The following SGCZ variants were observed in gnomAD, a reference collection of about 807,000 sequenced individuals.
SGCZ encodes the protein sarcoglycan zeta.
Under a neutral mutation model 41.3 loss-of-function variants are expected in SGCZ, and 40 were observed. The observed-to-expected ratio is 0.97, with a 90% CI of 0.75 to 1.26. The LOEUF (loss-of-function observed/expected upper bound fraction) is 1.26, where lower values mean the gene tolerates loss of function less well. SGCZ is among the 50% of genes most tolerant of loss of function. The probability of loss-of-function intolerance (pLI) is 0.00; values close to 1 mark genes in which losing one functional copy is unlikely to be tolerated. For missense variants in SGCZ, 552 were observed against 369.8 expected (o/e 1.49, Z -4.04); for synonymous variants, 206 against 137.5 (o/e 1.50, Z -3.49).
intron 2 of SGCZ, among the ~76,000 whole-genome samples, chr8:14,340,122 C>A (rs1802651224): frequency 6.6e-6 from 1 of 152,072 alleles, no homozygotes; most frequent in South Asian, 2.1e-4. Context: ...TTTATCTTCA[C>A]TGCTGTTGTT....
In SGCZ at chr8:14,398,730, A is replaced by G. The variant is rs565998930; in HGVS notation, c.235-74526T>C. 3.3e-5 allele frequency among the ~76,000 whole-genome samples: 5 copies of G among 152,244 alleles called. No homozygotes were observed. The South Asian group carries it at 1.0e-3, about 32-fold the overall frequency. ...TTACAGAAATAACATTATTTATTGG[A>G]TATGCATTGTTAAACTACAGAGTCT... On this transcript the variant is annotated intron_variant, in intron 2 of 7. Transcript: ENST00000382080.
intron 2 of SGCZ, among the ~76,000 whole-genome samples, chr8:14,417,240 A>G (rs1018890252): frequency 3.3e-5 from 5 of 151,924 alleles, no homozygotes; most frequent in African/African-American, 1.2e-4. Context: ...TTCGTAGTGC[A>G]ATAGGCAAGT....
intron 1 of SGCZ, among the ~76,000 whole-genome samples, chr8:14,978,784 C>G (rs1343499969): frequency 7.2e-6 from 1 of 138,522 alleles, no homozygotes; most frequent in East Asian, 2.1e-4. Context: ...TTCCTGCCAT[C>G]AGAGTTTACA....
intron 1 of SGCZ, among the ~76,000 whole-genome samples, chr8:14,612,372 G>C (rs147594241): frequency 6.6e-6 from 1 of 152,140 alleles, no homozygotes; most frequent in Admixed American, 6.5e-5. Flanking sequence ...TATGAAAAAG[G>C]TGTTTGCTTC....
At chr8:15,085,639 G>A (rs1585547953) in intron 1 of SGCZ, among the ~76,000 whole-genome samples, 1 of 152,246 alleles carries the variant, frequency 6.6e-6, no homozygotes, top group Middle Eastern at 3.4e-3. Context: ...TAAAAAATTA[G>A]TTCCAGAACA....
chr8:15,208,545 A>C (rs1365380226), intron 1 of SGCZ, among the ~76,000 whole-genome samples: 3 of 152,198 alleles, frequency 2.0e-5, no homozygotes, highest in African/African-American at 7.2e-5. Context: ...GTAACTTACA[A>C]AAGCCAATTT....
intron 1 of SGCZ, among the ~76,000 whole-genome samples, chr8:15,145,138 C>T (rs553617797): frequency 1.3e-5 from 2 of 152,184 alleles, no homozygotes; most frequent in Non-Finnish European, 1.5e-5. Flanking sequence ...CGTATCGCCT[C>T]AGTCCTTCTG....
intron 1 of SGCZ, among the ~76,000 whole-genome samples, chr8:14,603,051 G>T (rs1404289916): frequency 3.3e-5 from 5 of 152,154 alleles, no homozygotes; most frequent in Admixed American, 6.5e-5. Context: ...ACACTAGGAG[G>T]ATTCTAGTAG....
At chr8:14,389,574 A>T (rs1468859772) in intron 2 of SGCZ, among the ~76,000 whole-genome samples, 1 of 151,894 alleles carries the variant, frequency 6.6e-6, no homozygotes, top group African/African-American at 2.4e-5. Context: ...CTGAAACTCT[A>T]ATCAGGGTGA....
chr8:14,637,381 G>A (rs1346158510), intron 1 of SGCZ, among the ~76,000 whole-genome samples: 1 of 151,022 alleles, frequency 6.6e-6, no homozygotes, highest in African/African-American at 2.4e-5. Flanking sequence ...CGAGTAAATT[G>A]CGTGATGCTG....
At chr8:14,471,333 T>C (rs1801208023) in intron 2 of SGCZ, among the ~76,000 whole-genome samples, 2 of 152,174 alleles carry the variant, frequency 1.3e-5, no homozygotes, top group Admixed American at 6.5e-5. Flanking sequence ...CGTATGCTTA[T>C]AAATCATACT....
chr8:14,506,087 C>G (rs1045317061), intron 2 of SGCZ, among the ~76,000 whole-genome samples: 1 of 152,020 alleles, frequency 6.6e-6, no homozygotes, highest in Non-Finnish European at 1.5e-5. Flanking sequence ...CCTATAATCC[C>G]AGCACTTTGG....
chr8:14,237,130 T>C (rs1003199946), intron 4 of SGCZ, among the ~76,000 whole-genome samples: 1 of 152,196 alleles, frequency 6.6e-6, no homozygotes, highest in Non-Finnish European at 1.5e-5. Flanking sequence ...AGTTTATTTA[T>C]TATAATTTAA....
At chr8:14,717,970 C>T (rs13438960) in intron 1 of SGCZ, among the ~76,000 whole-genome samples, 53,167 of 148,170 alleles carry the variant, frequency 0.36, 11,363 homozygotes, top group African/African-American at 0.59. Context: ...CTAGTAGAAC[C>T]TGGATAAATG....
intron 1 of SGCZ, among the ~76,000 whole-genome samples, chr8:15,212,004 A>G (rs1212871972): frequency 6.6e-6 from 1 of 152,176 alleles, no homozygotes; most frequent in Non-Finnish European, 1.5e-5. Context: ...GTTATCAGAT[A>G]AGGTTTTGAG....
chr8:15,142,066 A>G (rs117579951), intron 1 of SGCZ, among the ~76,000 whole-genome samples: 3,368 of 152,324 alleles, frequency 0.022, 66 homozygotes, highest in Non-Finnish European at 0.031. Context: ...AAGGTTCCCA[A>G]CAGATGGGGA....
At chr8:15,208,664 C>T (rs1801145247) in intron 1 of SGCZ, among the ~76,000 whole-genome samples, 1 of 151,998 alleles carries the variant, frequency 6.6e-6, no homozygotes, top group African/African-American at 2.4e-5. Flanking sequence ...TCAGTTGAGG[C>T]ATTAGAGATC....
At chr8:14,323,209 A>C (rs62497792) in intron 3 of SGCZ, among the ~76,000 whole-genome samples, 41,104 of 151,972 alleles carry the variant, frequency 0.27, 5,988 homozygotes, top group East Asian at 0.45. Flanking sequence ...TACTTAAGGA[A>C]AAATAACTTT....
chr8:15,133,749 G>C (rs1242934435), intron 1 of SGCZ, among the ~76,000 whole-genome samples: 1 of 152,134 alleles, frequency 6.6e-6, no homozygotes, highest in Non-Finnish European at 1.5e-5. Flanking sequence ...GATAATAAGA[G>C]TAGACCATAT....
Sources: gnomAD v4.1 joint callset for allele counts (sites outside exome capture counted in the v4.1 genomes callset) on GRCh38, gnomAD v4.1.1 for gene constraint, MANE v1.5 for transcripts, NCBI Gene and HGNC (gene_info 2026-07-23, HGNC 2026-07-21) for gene names.